The following ANK2 variants were observed in gnomAD, a reference collection of about 807,000 sequenced individuals.
ANK2 encodes the protein ankyrin-2.
In ANK2, 83 loss-of-function variants were observed where a neutral mutation model predicts 360.5. The ratio of observed to expected loss-of-function variants is 0.23; its 90% CI spans 0.19 to 0.28. The LOEUF is 0.28. Ranked by LOEUF, ANK2 falls within the 10% of genes least tolerant of loss-of-function variation. The pLI, the probability that ANK2 is intolerant of heterozygous loss-of-function variation, is 1.00. For synonymous variants in ANK2, 1,740 were observed against 1,759.5 expected (o/e 0.99, Z 0.28); for missense variants, 4,201 against 4,795.7 (o/e 0.88, Z 3.66).
Position 113,240,565 on chromosome 4 carries a change from T to C in ANK2, c.774T>C (p.Ala258=). ...CTCTTCTTCTAAACCGGGGAGCTGC[T>C]GTGGACTTCACAGCCAGGGTATGGA... is the stretch of plus-strand genomic sequence containing the variant. The part of the protein sequence containing the change: ...VATLLLNRGA[A]VDFTARNGIT... The change falls in exon 8 of 46, where the codon GCT becomes GCC. Residue 258 remains alanine (A), a synonymous_variant. Transcript: ENST00000357077. 6.2e-7 allele frequency: 1 copy of C among 1,613,520 alleles called. No homozygotes were observed. Among genetic ancestry groups the C allele is most frequent in the Non-Finnish European group, 8.5e-7 (1 of 1,179,474 alleles).
chr4:112,929,750 T>C (rs2092977165), intron 2 of ANK2, among the ~76,000 whole-genome samples: 1 of 152,220 alleles, frequency 6.6e-6, no homozygotes, highest in Admixed American at 6.5e-5. Context: ...GTTCTCACTC[T>C]CACAATCTGC....
chr4:113,039,230 T>A (rs560313495), intron 2 of ANK2, among the ~76,000 whole-genome samples: 89 of 151,460 alleles, frequency 5.9e-4, no homozygotes, highest in Middle Eastern at 6.8e-3. Context: ...CTATTTTTTT[T>A]AATCATAACT....
intron 1 of ANK2, among the ~76,000 whole-genome samples, chr4:112,891,258 T>C (rs2079950704): frequency 6.6e-6 from 1 of 152,244 alleles, no homozygotes; most frequent in African/African-American, 2.4e-5. Flanking sequence ...CTTCCCATGC[T>C]TCCTTTGTGT....
chr4:113,265,121 AT>A, intron 14 of ANK2, 126 bp downstream of exon 14: 1 of 909,366 alleles, frequency 1.1e-6, no homozygotes. Context: ...GATCAATTCA[AT>A]AGCAGTTTTC....
At position 113,145,814 on chromosome 4, in the gene ANK2, A is replaced by G; in HGVS notation, c.85-28602A>G. 9 of 1,283,102 alleles carry G rather than the reference A, an allele frequency of 7.0e-6. No individual in the cohort carries two copies. In the South Asian group the frequency reaches 1.1e-4, roughly 16 times the overall value. 79.5% of individuals were successfully genotyped at this position (1,283,102 alleles called of 1,614,324 possible). ...ATTAGTGTACCCCTGGGAGCCCTGG[A>G]CAGAGTGCAGAGGGCAAGGACGGGC... On this transcript the variant is annotated intron_variant, in intron 1 of 45. Coordinates refer to ENST00000357077, the MANE Select transcript of ANK2 (RefSeq NM_001148.6).
the ANK2 span, among the ~76,000 whole-genome samples, chr4:112,789,458 G>T: frequency 6.6e-6 from 1 of 151,528 alleles, no homozygotes; most frequent in East Asian, 2.0e-4. Context: ...CCAAAGTTAT[G>T]ATTTGAGACC....
chr4:113,248,888 G>A (rs527926889), intron 9 of ANK2, among the ~76,000 whole-genome samples: 3 of 152,152 alleles, frequency 2.0e-5, no homozygotes, highest in Admixed American at 6.5e-5. Context: ...TAAGCACTCA[G>A]TATTTCATTT....
At chr4:113,041,893 T>C (rs2063057085) in intron 2 of ANK2, among the ~76,000 whole-genome samples, 1 of 152,144 alleles carries the variant, frequency 6.6e-6, no homozygotes, top group Non-Finnish European at 1.5e-5. Flanking sequence ...ATCTTTCTTC[T>C]GTTTCTCCTT....
intron 1 of ANK2, among the ~76,000 whole-genome samples, chr4:113,121,803 C>A (rs1012394617): frequency 1.3e-5 from 2 of 151,958 alleles, no homozygotes; most frequent in African/African-American, 2.4e-5. Flanking sequence ...TAAAAATGTA[C>A]ACAGTTATTA....
At chr4:112,729,290 A>G in the ANK2 span, among the ~76,000 whole-genome samples, 8 of 150,952 alleles carry the variant, frequency 5.3e-5, no homozygotes, top group African/African-American at 1.7e-4. Flanking sequence ...AAGTTTTCTG[A>G]AAAAAAAATA....
chr4:113,047,143 C>T (rs370569941), upstream of ANK2, among the ~76,000 whole-genome samples: 16 of 152,286 alleles, frequency 1.1e-4, no homozygotes, highest in South Asian at 2.3e-3. Flanking sequence ...GTTCCCATCT[C>T]GGGACCTTTG....
At chr4:113,308,154 C>T (rs1255965482) in intron 23 of ANK2, among the ~76,000 whole-genome samples, 1 of 152,104 alleles carries the variant, frequency 6.6e-6, no homozygotes, top group African/African-American at 2.4e-5. Flanking sequence ...AAAATTCTTT[C>T]CAAGTCTAAT....
chr4:112,866,739 A>T (rs1292727555), intron 1 of ANK2, among the ~76,000 whole-genome samples: 1 of 151,868 alleles, frequency 6.6e-6, no homozygotes, highest in Non-Finnish European at 1.5e-5. Context: ...TGAATTTTAA[A>T]TTTTTTCTTA....
At chr4:112,708,160 C>A in the ANK2 span, among the ~76,000 whole-genome samples, 85 of 152,264 alleles carry the variant, frequency 5.6e-4, 2 homozygotes, top group East Asian at 0.013. Flanking sequence ...AAGGGAAAAC[C>A]GTGTTGTTCT....
At chr4:113,097,862 G>GTATA (rs1212680888) in intron 1 of ANK2, among the ~76,000 whole-genome samples, 28 of 97,636 alleles carry the variant, frequency 2.9e-4, no homozygotes, top group African/African-American at 1.1e-3. Flanking sequence ...GTGTGTGTGT[G>GTATA]TGTGTATATA....
intron 1 of ANK2, among the ~76,000 whole-genome samples, chr4:113,069,201 T>A (rs144106294): frequency 7.9e-5 from 12 of 152,118 alleles, no homozygotes; most frequent in Non-Finnish European, 1.3e-4. Flanking sequence ...GGGCAGGTAA[T>A]CAGTGAGGAG....
At chr4:112,783,680 CT>C in the ANK2 span, among the ~76,000 whole-genome samples, 3 of 141,398 alleles carry the variant, frequency 2.1e-5, no homozygotes, top group Non-Finnish European at 4.6e-5. Flanking sequence ...GAGACAGAGT[CT>C]CGCTCTGTCA....
intron 1 of ANK2, among the ~76,000 whole-genome samples, chr4:113,170,371 A>G (rs2154411145): frequency 1.3e-5 from 2 of 152,304 alleles, no homozygotes; most frequent in Admixed American, 1.3e-4. Context: ...TATGATGAAC[A>G]GATTCTCTGA....
chr4:112,942,358 T>A (rs1199462957), intron 2 of ANK2, among the ~76,000 whole-genome samples: 1 of 152,136 alleles, frequency 6.6e-6, no homozygotes, highest in Non-Finnish European at 1.5e-5. Flanking sequence ...TGCTCAATAT[T>A]TGTCGAGAGA....
Sources: gnomAD v4.1 joint callset for allele counts (sites outside exome capture counted in the v4.1 genomes callset) on GRCh38, gnomAD v4.1.1 for gene constraint, MANE v1.5 for transcripts, NCBI Gene and HGNC (gene_info 2026-07-23, HGNC 2026-07-21) for gene names.